PIK3C3: variants seen among roughly 807,000 people sequenced by gnomAD.
The protein encoded by PIK3C3 is phosphatidylinositol 3-kinase catalytic subunit type 3.
A neutral mutation model predicts 126.1 loss-of-function variants in PIK3C3; 95 were observed. The observed-to-expected ratio is 0.75, with a 90% CI of 0.64 to 0.89. The LOEUF is 0.89. Ranked by LOEUF, PIK3C3 falls within the 40% of genes least tolerant of loss-of-function variation. PIK3C3 has a pLI of 0.00. For missense variants in PIK3C3, 829 were observed against 1,063.2 expected, an observed-to-expected ratio of 0.78 and a Z score of 3.06; for synonymous variants, 374 against 360.0, an observed-to-expected ratio of 1.04 and a Z score of -0.44.
At position 42,043,935 on chromosome 18, in the gene PIK3C3, G is replaced by C. The variant is rs1050582451; in HGVS notation, c.2188+118G>C. The stretch of plus-strand genomic sequence containing the variant: ...AATATTTAAATGCTCTATAGGAAGA[G>C]TAAAAGATAAATGTTGATTAAAGTA... On this transcript the variant is annotated intron_variant, in intron 20 of 24. Coordinates refer to ENST00000262039, the MANE Select transcript of PIK3C3 (RefSeq NM_002647.4). 11 of 624,912 alleles carry C rather than the reference G, an allele frequency of 1.8e-5. No individual in the cohort carries two copies. In the African/African-American group the frequency reaches 2.0e-4, roughly 12 times the overall value. The allele number at this position is 624,912 out of a possible 1,614,324, so 38.7% of individuals were successfully genotyped here.
chr18:41,976,399 T>C (rs1275614504), intron 4 of PIK3C3, among the ~76,000 whole-genome samples: 1 of 152,162 alleles, frequency 6.6e-6, no homozygotes, highest in African/African-American at 2.4e-5. Flanking sequence ...AAGTTCCTGA[T>C]GTCATTATTG....
chr18:41,955,383 A>C, intron 1 of PIK3C3, 24 bp downstream of exon 1: 1 of 1,601,540 alleles, frequency 6.2e-7, no homozygotes, highest in Admixed American at 1.7e-5. Flanking sequence ...CGGGACAGGG[A>C]GTGGGATTGC....
chr18:41,964,930 G>A (rs1980280290), intron 3 of PIK3C3, among the ~76,000 whole-genome samples: 2 of 152,146 alleles, frequency 1.3e-5, no homozygotes, highest in East Asian at 3.8e-4. Flanking sequence ...GGCTATTAAA[G>A]AGATATTTGT....
chr18:41,983,239 A>G (rs1376068662), intron 4 of PIK3C3, among the ~76,000 whole-genome samples: 2 of 152,110 alleles, frequency 1.3e-5, no homozygotes, highest in Non-Finnish European at 2.9e-5. Context: ...TCAACATTCT[A>G]TGCTCATCTG....
chr18:42,065,703 AG>A (rs1293686005), intron 23 of PIK3C3, among the ~76,000 whole-genome samples: 4 of 152,208 alleles, frequency 2.6e-5, no homozygotes. Flanking sequence ...TAGTTTCCAA[AG>A]ATGGGGATTT....
At chr18:42,020,442 C>T (rs979763402) in intron 12 of PIK3C3, among the ~76,000 whole-genome samples, 196 bp from the exon 13 acceptor site, 7 of 152,050 alleles carry the variant, frequency 4.6e-5, no homozygotes, top group African/African-American at 4.8e-5. Context: ...CTCTGAACTG[C>T]GGTATTCTAA....
chr18:42,056,080 AT>A (rs773488266), intron 21 of PIK3C3, among the ~76,000 whole-genome samples: 1 of 151,856 alleles, frequency 6.6e-6, no homozygotes, highest in African/African-American at 2.4e-5. Context: ...CTTCTTAAAC[AT>A]TTTTTTTAAA....
chr18:41,992,362 A>AT (rs1981821197), intron 6 of PIK3C3, among the ~76,000 whole-genome samples: 2 of 152,272 alleles, frequency 1.3e-5, no homozygotes, highest in Admixed American at 1.3e-4. Flanking sequence ...GGCTGTGGGA[A>AT]TTTGTGGTTT....
At chr18:41,963,900 T>C (rs1222810651) in intron 3 of PIK3C3, among the ~76,000 whole-genome samples, 2 of 151,930 alleles carry the variant, frequency 1.3e-5, no homozygotes, top group Admixed American at 6.6e-5. Flanking sequence ...AATTAGCCCT[T>C]TGTGGGTTAT....
chr18:41,969,084 G>A (rs1393535793), intron 3 of PIK3C3, among the ~76,000 whole-genome samples: 1 of 151,544 alleles, frequency 6.6e-6, no homozygotes, highest in East Asian at 1.9e-4. Flanking sequence ...CTCTCAAAAT[G>A]CTGAGATTAC....
intron 10 of PIK3C3, 118 bp from the exon 11 acceptor site, chr18:42,013,324 T>TA: frequency 1.6e-6 from 1 of 636,120 alleles, no homozygotes; most frequent in Admixed American, 3.5e-5. Context: ...CCAAAAGTAA[T>TA]ACAGCTGAAA....
rs1039295752 is a variant in PIK3C3 at position 42,083,388 on chromosome 18, G to A, written c.*2251G>A. 1 of 152,146 alleles carries A rather than the reference G, an allele frequency of 6.6e-6. No homozygotes were observed. Among genetic ancestry groups the A allele is most frequent in the Non-Finnish European group, 1.5e-5 (1 of 68,012 alleles). The allele number at this position is 152,146 out of a possible 1,614,324, so 9.4% of individuals were successfully genotyped here. A position where few individuals can be genotyped will look rare whatever the true frequency, so the allele number is the denominator to read the frequency against. ...TTAATTAAAAAAGTGTGAGTACTAT[G>A]GTCATTAAGTTATTCAGAGTGAGAT... On this transcript the variant is annotated 3_prime_UTR_variant, in exon 25 of 25. Transcript: ENST00000262039.
chr18:42,019,975 T>A (rs531258), intron 12 of PIK3C3, among the ~76,000 whole-genome samples: 74,485 of 151,766 alleles, frequency 0.49, 19,908 homozygotes, highest in African/African-American at 0.71. Flanking sequence ...TTTCTTATAT[T>A]TGTCTCCTTT....
At chr18:42,040,542 G>A (rs1598922350) in intron 18 of PIK3C3, 135 bp from the exon 19 acceptor site, 1 of 614,182 alleles carries the variant, frequency 1.6e-6, no homozygotes, top group Non-Finnish European at 2.8e-6. Flanking sequence ...ACTTAATGTA[G>A]TGTACACTGA....
rs1449521185 is a variant in PIK3C3 at position 42,083,194 on chromosome 18, C to G, written c.*2057C>G. The G allele has an allele frequency of 6.6e-6, 1 of 152,120 alleles. No homozygotes were observed. Among genetic ancestry groups the G allele is most frequent in the Non-Finnish European group, 1.5e-5 (1 of 68,022 alleles). 9.4% of individuals were successfully genotyped at this position (152,120 alleles called of 1,614,324 possible). Reference sequence around the variant, plus strand: ...TATTGCTCAAAGCAATTCTTTACTCCTATTTTTTCCAAATTCCATTGTTTT... The same window carrying G: ...TATTGCTCAAAGCAATTCTTTACTCGTATTTTTTCCAAATTCCATTGTTTT... On this transcript the variant is annotated 3_prime_UTR_variant, in exon 25 of 25. Coordinates refer to ENST00000262039, the MANE Select transcript of PIK3C3 (RefSeq NM_002647.4).
chr18:42,080,276 A>G (rs527614377), intron 24 of PIK3C3, among the ~76,000 whole-genome samples: 1 of 152,164 alleles, frequency 6.6e-6, no homozygotes, highest in African/African-American at 2.4e-5. Flanking sequence ...AATCTTGCCA[A>G]TTTTTTTCTA....
chr18:42,067,823 T>C (rs1330454019), intron 24 of PIK3C3, among the ~76,000 whole-genome samples: 1 of 152,194 alleles, frequency 6.6e-6, no homozygotes, highest in East Asian at 1.9e-4. Context: ...CAATTGAAAC[T>C]TGGACACTTG....
At chr18:42,036,064 G>A (rs943014961) in intron 16 of PIK3C3, among the ~76,000 whole-genome samples, 2 of 152,126 alleles carry the variant, frequency 1.3e-5, no homozygotes, top group Non-Finnish European at 1.5e-5. Context: ...TCTTTAGGAA[G>A]ATAACTTCCA....
chr18:42,016,380 T>C (rs1301801779), intron 12 of PIK3C3, among the ~76,000 whole-genome samples: 2 of 152,164 alleles, frequency 1.3e-5, no homozygotes, highest in Non-Finnish European at 2.9e-5. Flanking sequence ...TCTGCTACAG[T>C]CTAAGTTTTC....
Sources: allele counts gnomAD v4.1 joint callset (sites outside exome capture counted in the v4.1 genomes callset), GRCh38; gene constraint gnomAD v4.1.1; transcripts MANE v1.5; gene names NCBI Gene and HGNC (gene_info 2026-07-23, HGNC 2026-07-21).